The following LURAP1 variants were observed in gnomAD, a reference collection of about 807,000 sequenced individuals.
LURAP1 encodes leucine rich adaptor protein 1, also known as NF-kappa-B activator C1orf190.
Under a neutral mutation model 19.0 loss-of-function variants are expected in LURAP1, and 14 were observed. The ratio of observed to expected loss-of-function variants is 0.74; its 90% CI spans 0.49 to 1.15. The LOEUF is 1.15. LURAP1 is among the 50% of genes most tolerant of loss of function. The pLI, the probability that LURAP1 is intolerant of heterozygous loss-of-function variation, is 0.00. For synonymous variants in LURAP1, 129 were observed against 131.8 expected (o/e 0.98, Z 0.14); for missense variants, 273 against 309.1 (o/e 0.88, Z 0.87).
intron 1 of LURAP1, among the ~76,000 whole-genome samples, chr1:46,206,891 C>G (rs370798371): frequency 1.3e-5 from 2 of 152,150 alleles, no homozygotes; most frequent in East Asian, 1.9e-4. Context: ...AAGGAGGAGA[C>G]AGAAGAACAT....
At chr1:46,210,941 A>ATT (rs34921411) in intron 1 of LURAP1, among the ~76,000 whole-genome samples, 205 of 134,458 alleles carry the variant, frequency 1.5e-3, no homozygotes, top group East Asian at 0.015. Flanking sequence ...CACTCACCTA[A>ATT]TTTTTTTTTT....
Position 46,220,315 on chromosome 1 carries a change from A to T in LURAP1, c.*95A>T. 7.5e-7 allele frequency: 1 copy of T among 1,325,896 alleles called. No homozygotes were observed. The highest frequency in any genetic ancestry group is 1.5e-5 in the African/African-American group (1 of 68,352). The allele number at this position is 1,325,896 out of a possible 1,614,324, so 82.1% of individuals were successfully genotyped here. ...TCTCCCTCAGTCTGAGACTAGGAAG[A>T]GGCTGCACTGAAATCAGTTACCATG... On this transcript the variant is annotated 3_prime_UTR_variant, in exon 2 of 2. Coordinates refer to ENST00000371980, the MANE Select transcript of LURAP1 (RefSeq NM_001013615.3).
Position 46,215,795 on chromosome 1 carries a change from G to T in LURAP1, c.199-3904G>T, listed in dbSNP as rs1217663539. ...TGCCTGTAGTCCAGCTACTTAGGAGGCTGAGGCAGGAGGGTTGCTTGAGCT... is the reference window on the plus strand; with the variant it reads ...TGCCTGTAGTCCAGCTACTTAGGAGTCTGAGGCAGGAGGGTTGCTTGAGCT... On this transcript the variant is annotated intron_variant, in intron 1 of 1. Transcript: ENST00000371980. 2.0e-5 allele frequency among the ~76,000 whole-genome samples: 3 copies of T among 152,230 alleles called. No individual in the cohort carries two copies. The East Asian group carries it at 5.8e-4, about 29-fold the overall frequency.
At chr1:46,218,925 A>G (rs964170854) in intron 1 of LURAP1, among the ~76,000 whole-genome samples, 1 of 151,904 alleles carries the variant, frequency 6.6e-6, no homozygotes, top group South Asian at 2.1e-4. Flanking sequence ...TTTTGGCCCA[A>G]TCTACTTCCT....
At chr1:46,218,753 G>A (rs1056287936) in intron 1 of LURAP1, among the ~76,000 whole-genome samples, 1 of 152,068 alleles carries the variant, frequency 6.6e-6, no homozygotes, top group Admixed American at 6.6e-5. Flanking sequence ...GTACAGACAG[G>A]TAGACTGGTG....
chr1:46,210,737 G>A lies in LURAP1; in HGVS notation c.198+7113G>A, dbSNP rs527801771. Among the ~76,000 whole-genome samples the A allele has an allele frequency of 4.6e-5, 7 of 152,264 alleles. No individual in the cohort carries two copies. The South Asian group carries it at 1.0e-3, about 23-fold the overall frequency. ...TCCCTGGGTGCACCACCCTCCATCT[G>A]TTCAGCTACTTGGACGCTCTCTGAA... On this transcript the variant is annotated intron_variant, in intron 1 of 1. Coordinates refer to ENST00000371980, the MANE Select transcript of LURAP1 (RefSeq NM_001013615.3).
chr1:46,213,074 T>A (rs998892900), intron 1 of LURAP1, among the ~76,000 whole-genome samples: 2 of 152,102 alleles, frequency 1.3e-5, no homozygotes, highest in Non-Finnish European at 2.9e-5. Flanking sequence ...ATAGACTACA[T>A]ATGTCAAATA....
intron 1 of LURAP1, among the ~76,000 whole-genome samples, chr1:46,206,879 GGAA>G (rs1165833530): frequency 5.3e-5 from 8 of 152,176 alleles, no homozygotes; most frequent in African/African-American, 1.9e-4. Flanking sequence ...GTCTGGTTAG[GGAA>G]GGAGGAGACA....
At chr1:46,204,596 G>C (rs994555390) in intron 1 of LURAP1, among the ~76,000 whole-genome samples, 2 of 152,186 alleles carry the variant, frequency 1.3e-5, no homozygotes, top group Non-Finnish European at 2.9e-5. Context: ...AATCATGGGG[G>C]CTCTGAGACC....
chr1:46,206,498 T>C (rs756948969), intron 1 of LURAP1, among the ~76,000 whole-genome samples: 3 of 152,120 alleles, frequency 2.0e-5, no homozygotes, highest in Non-Finnish European at 1.5e-5. Context: ...CTGAATCTCC[T>C]TGGAAGGAGA....
At chr1:46,213,761 TC>T (rs1658976363) in intron 1 of LURAP1, among the ~76,000 whole-genome samples, 1 of 151,814 alleles carries the variant, frequency 6.6e-6, no homozygotes, top group South Asian at 2.1e-4. Flanking sequence ...GAAATACCTC[TC>T]CAAGCCTTTA....
chr1:46,205,866 G>A (rs61784560), intron 1 of LURAP1, among the ~76,000 whole-genome samples: 16,795 of 152,238 alleles, frequency 0.11, 1,247 homozygotes, highest in South Asian at 0.17. Context: ...ATTTGCCTTC[G>A]GGCTACTGAA....
chr1:46,209,252 G>A (rs768782702), intron 1 of LURAP1, among the ~76,000 whole-genome samples: 2 of 152,212 alleles, frequency 1.3e-5, no homozygotes, highest in South Asian at 4.1e-4. Flanking sequence ...TCGAACTCCC[G>A]AACTCAGGTG....
chr1:46,220,001 C>T lies in LURAP1; in HGVS notation c.501C>T (p.Ser167=), dbSNP rs760352531. 23 of 1,614,232 alleles carry T rather than the reference C, an allele frequency of 1.4e-5. No individual in the cohort carries two copies. The highest frequency in any genetic ancestry group is 3.3e-5 in the South Asian group (3 of 91,086). The change falls in exon 2 of 2, where the codon TCC becomes TCT. Residue 167 remains serine, a synonymous_variant. Transcript: ENST00000371980. ...AGGGCCCACCTGGGGCTCCACGTTCCGAGATGGACTGGGCAAAAGTTATAG... is the reference window on the plus strand; with the variant it reads ...AGGGCCCACCTGGGGCTCCACGTTCTGAGATGGACTGGGCAAAAGTTATAG... ...DEQGPPGAPR[S]EMDWAKVIAG...
chr1:46,216,043 C>CTTTTTTTTTTTTTTTT (rs141982741), intron 1 of LURAP1, among the ~76,000 whole-genome samples: 15 of 92,540 alleles, frequency 1.6e-4, no homozygotes, highest in East Asian at 3.6e-4. Flanking sequence ...TTTATTTTAT[C>CTTTTTTTTTTTTTTTT]TTTTTTTTTT....
Position 46,203,353 on chromosome 1 carries a change from AGC to A in LURAP1, c.-72_-71del. 7.3e-7 allele frequency: 1 copy of A among 1,361,274 alleles called. No individual in the cohort carries two copies. Among genetic ancestry groups the A allele is most frequent in the Non-Finnish European group, 9.7e-7 (1 of 1,029,510 alleles). The allele number at this position is 1,361,274 out of a possible 1,614,324, so 84.3% of individuals were successfully genotyped here. On this transcript the variant is annotated 5_prime_UTR_variant, in exon 1 of 2. Transcript: ENST00000371980. ...CCCACCGGTTTTGCTCCGCTTTAGC[AGC>A]GGCGAAGGGAGGACCCCCGGGAGCC... is the stretch of plus-strand genomic sequence containing the variant.
chr1:46,218,491 A>G (rs1360295723), intron 1 of LURAP1, among the ~76,000 whole-genome samples: 1 of 152,240 alleles, frequency 6.6e-6, no homozygotes, highest in Non-Finnish European at 1.5e-5. Flanking sequence ...AACTATAGAG[A>G]TGGGCGAGAG....
chr1:46,213,166 TATG>T (rs1436213594), intron 1 of LURAP1, among the ~76,000 whole-genome samples: 1 of 151,878 alleles, frequency 6.6e-6, no homozygotes, highest in African/African-American at 2.4e-5. Flanking sequence ...CAAATATTTA[TATG>T]ATGTTTCAGT....
chr1:46,220,023 A>T lies in LURAP1; in HGVS notation c.523A>T (p.Ile175Leu). Residue 175 changes from isoleucine (I) to leucine (L), a missense_variant, in exon 2 of 2, where the codon ATA becomes TTA. By Grantham distance (5) the Ile-to-Leu change is conservative. Coordinates refer to ENST00000371980, the MANE Select transcript of LURAP1 (RefSeq NM_001013615.3). ...TTCCGAGATGGACTGGGCAAAAGTTATAGCTGGTGGAGAGAGGGCCAGGAC... is the reference window on the plus strand; with the variant it reads ...TTCCGAGATGGACTGGGCAAAAGTTTTAGCTGGTGGAGAGAGGGCCAGGAC... ...PRSEMDWAKV[I>L]AGGERARTEV... The T allele has an allele frequency of 6.2e-7, 1 of 1,614,218 alleles. No individual in the cohort carries two copies. Among genetic ancestry groups the T allele is most frequent in the Non-Finnish European group, 8.5e-7 (1 of 1,180,036 alleles).
Sources: allele counts gnomAD v4.1 joint callset (sites outside exome capture counted in the v4.1 genomes callset), GRCh38; gene constraint gnomAD v4.1.1; transcripts MANE v1.5; gene names NCBI Gene and HGNC (gene_info 2026-07-23, HGNC 2026-07-21).